The following TENT4B variants were observed in gnomAD, a reference collection of about 807,000 sequenced individuals.
The protein encoded by TENT4B is PAP associated domain containing 5.
A neutral mutation model predicts 75.0 loss-of-function variants in TENT4B; 10 were observed. The observed-to-expected ratio is 0.13, with a 90% CI of 0.08 to 0.23. TENT4B has a LOEUF of 0.23. Ranked by LOEUF, TENT4B falls within the 10% of genes least tolerant of loss-of-function variation. TENT4B has a pLI of 1.00. For synonymous variants in TENT4B, 350 were observed against 357.7 expected (o/e 0.98, Z 0.24); for missense variants, 579 against 893.8 (o/e 0.65, Z 4.49).
chr16:50,222,544 C>G, intron 6 of TENT4B, 110 bp downstream of exon 6: 1 of 1,137,936 alleles, frequency 8.8e-7, no homozygotes, highest in Non-Finnish European at 1.2e-6. Flanking sequence ...CATTGCTTTC[C>G]TTGATTACTT....
intron 1 of TENT4B, among the ~76,000 whole-genome samples, chr16:50,207,833 C>A (rs1246945660): frequency 6.6e-6 from 1 of 152,218 alleles, no homozygotes; most frequent in South Asian, 2.1e-4. Context: ...GCCAGACTTA[C>A]AGTGCACACT....
At chr16:50,219,755 T>C (rs1420076851) in intron 5 of TENT4B, among the ~76,000 whole-genome samples, 9 of 149,132 alleles carry the variant, frequency 6.0e-5, no homozygotes. Flanking sequence ...CTCCCTTTTC[T>C]TTTCTCTTTT....
At chr16:50,171,907 G>A (rs2038213301) in intron 1 of TENT4B, among the ~76,000 whole-genome samples, 1 of 152,012 alleles carries the variant, frequency 6.6e-6, no homozygotes, top group African/African-American at 2.4e-5. Context: ...GGAGGTTGCA[G>A]TGAGCTAACG....
rs2032242884 is a variant in TENT4B, at chr16:50,230,266, G to A, written c.*938G>A. 4.1e-6 allele frequency: 4 copies of A among 969,472 alleles called. No homozygotes were observed. The highest frequency in any genetic ancestry group is 3.6e-6 in the Non-Finnish European group (3 of 825,476). 60.1% of individuals were successfully genotyped at this position (969,472 alleles called of 1,614,324 possible). A position where few individuals can be genotyped will look rare whatever the true frequency, so the allele number is the denominator to read the frequency against. Reference sequence around the variant, plus strand: ...TGACTTTGTGTTTGCTTCCTTTGCAGTCTTTTTTTTTTCCCCCCATTTCTT... The same window carrying A: ...TGACTTTGTGTTTGCTTCCTTTGCAATCTTTTTTTTTTCCCCCCATTTCTT... On this transcript the variant is annotated 3_prime_UTR_variant, in exon 12 of 12. Transcript: ENST00000561678.
chr16:50,228,613 GC>G (rs35056091), intron 11 of TENT4B, among the ~76,000 whole-genome samples: 99,315 of 152,050 alleles, frequency 0.65, 34,391 homozygotes, highest in South Asian at 0.76. Flanking sequence ...AGGCCTCTTG[GC>G]TGTAACCTTG....
intron 1 of TENT4B, among the ~76,000 whole-genome samples, chr16:50,176,092 C>CT (rs145212628): frequency 0.061 from 8,610 of 140,156 alleles, 270 homozygotes; most frequent in East Asian, 0.11. Flanking sequence ...CAATATAATT[C>CT]TTTTTTTTTT....
At chr16:50,166,780 A>ATTTTTTTTTTTTTTTTTT (rs57856238) in intron 1 of TENT4B, among the ~76,000 whole-genome samples, 3 of 115,282 alleles carry the variant, frequency 2.6e-5, no homozygotes, top group Non-Finnish European at 1.8e-5. Context: ...TGCCTGGCTA[A>ATTTTTTTTTTTTTTTTTT]TTTTTTTTTT....
chr16:50,166,356 A>G (rs1029954663), intron 1 of TENT4B, among the ~76,000 whole-genome samples: 1 of 152,142 alleles, frequency 6.6e-6, no homozygotes, highest in Non-Finnish European at 1.5e-5. Flanking sequence ...GAGTTCTGGG[A>G]TTACAGGCGT....
In TENT4B at chr16:50,228,158, C is replaced by T. The variant is rs142185295; in HGVS notation, c.1965+155C>T. 8.4e-3 allele frequency among the ~76,000 whole-genome samples: 1,283 copies of T among 152,322 alleles called. 15 individuals carry two copies. Among genetic ancestry groups the T allele is most frequent in the Non-Finnish European group, 0.012 (818 of 68,026 alleles). ...GAGGTTCCAACACATGACAGTGCTT[C>T]TAGGAACAGGATGTCCTAAGGATCC... On this transcript the variant is annotated intron_variant, in intron 11 of 11. Coordinates refer to ENST00000561678, the MANE Select transcript of TENT4B (RefSeq NM_001365324.3).
intron 1 of TENT4B, among the ~76,000 whole-genome samples, chr16:50,155,494 G>GAATA (rs2037880739): frequency 6.6e-6 from 1 of 152,042 alleles, no homozygotes; most frequent in African/African-American, 2.4e-5. Flanking sequence ...GTACCTTTTT[G>GAATA]AAGGTCTGGA....
upstream of TENT4B, among the ~76,000 whole-genome samples, chr16:50,153,203 A>C (rs1423523484): frequency 1.9e-5 from 1 of 52,974 alleles, no homozygotes; most frequent in African/African-American, 6.6e-5. Flanking sequence ...GGGCGGAGCG[A>C]GAGGGGCGGA....
intron 1 of TENT4B, among the ~76,000 whole-genome samples, chr16:50,155,040 A>G (rs2037864436): frequency 6.6e-6 from 1 of 152,104 alleles, no homozygotes; most frequent in East Asian, 1.9e-4. Flanking sequence ...GAGGCAGCCA[A>G]TGCTTTTCAT....
intron 3 of TENT4B, among the ~76,000 whole-genome samples, chr16:50,214,592 G>T (rs1340252761): frequency 6.6e-6 from 1 of 152,048 alleles, no homozygotes; most frequent in East Asian, 1.9e-4. Context: ...GGAGGTGAAG[G>T]TTGCAGTGAG....
At chr16:50,203,776 G>T (rs542922385) in intron 1 of TENT4B, among the ~76,000 whole-genome samples, 1 of 152,282 alleles carries the variant, frequency 6.6e-6, no homozygotes, top group Admixed American at 6.5e-5. Flanking sequence ...GTCCCCCTGT[G>T]AACAGAAGGT....
intron 1 of TENT4B, among the ~76,000 whole-genome samples, chr16:50,194,295 A>C (rs1283041906): frequency 1.4e-5 from 2 of 146,806 alleles, no homozygotes; most frequent in Non-Finnish European, 3.0e-5. Context: ...AGTTCACTGC[A>C]ACCTCTGCCT....
intron 1 of TENT4B, among the ~76,000 whole-genome samples, chr16:50,194,466 C>T (rs2030076200): frequency 6.6e-6 from 1 of 152,162 alleles, no homozygotes; most frequent in Admixed American, 6.5e-5. Context: ...CCACCCGCCT[C>T]TGCCTCCCAA....
chr16:50,206,845 T>C (rs999000967), intron 1 of TENT4B, among the ~76,000 whole-genome samples: 2 of 152,004 alleles, frequency 1.3e-5, no homozygotes, highest in Non-Finnish European at 2.9e-5. Context: ...CATTATAAAA[T>C]TCACATAATT....
In TENT4B at chr16:50,153,546, G is replaced by A. The variant is rs1266584926; in HGVS notation, c.-76G>A. 26 of 978,028 alleles carry A rather than the reference G, an allele frequency of 2.7e-5. No individual in the cohort carries two copies. Among genetic ancestry groups the A allele is most frequent in the Non-Finnish European group, 3.0e-5 (25 of 827,054 alleles). 60.6% of individuals were successfully genotyped at this position (978,028 alleles called of 1,614,324 possible). ...CAGCAGCAGCAGCAGCCGAGGCCGG[G>A]CGTGCGCCTGAGGCGGCGGCGGCGG... On this transcript the variant is annotated 5_prime_UTR_variant, in exon 1 of 12. Coordinates refer to ENST00000561678, the MANE Select transcript of TENT4B (RefSeq NM_001365324.3).
intron 11 of TENT4B, among the ~76,000 whole-genome samples, chr16:50,228,642 T>C (rs987555498): frequency 6.6e-6 from 1 of 152,212 alleles, no homozygotes; most frequent in Admixed American, 6.5e-5. Context: ...TTTGACTCAC[T>C]GAGTTCACTT....
Sources: gnomAD v4.1 joint callset for allele counts (sites outside exome capture counted in the v4.1 genomes callset) on GRCh38, gnomAD v4.1.1 for gene constraint, MANE v1.5 for transcripts, NCBI Gene and HGNC (gene_info 2026-07-23, HGNC 2026-07-21) for gene names.